Variants in IGSF3 observed in about 807,000 individuals in gnomAD.
IGSF3 encodes immunoglobulin superfamily member 3.
In IGSF3, 23 loss-of-function variants were observed where a neutral mutation model predicts 114.4. The observed-to-expected ratio is 0.20, with a 90% CI of 0.14 to 0.28. The LOEUF (loss-of-function observed/expected upper bound fraction) is 0.28, where lower values mean the gene tolerates loss of function less well. Among genes scored for constraint, IGSF3 ranks in the 10% least tolerant of loss-of-function variants. The probability of loss-of-function intolerance (pLI) is 1.00; values close to 1 mark genes in which losing one functional copy is unlikely to be tolerated. For synonymous variants in IGSF3, 571 were observed against 645.2 expected, an observed-to-expected ratio of 0.88 and a Z score of 1.74; for missense variants, 1,172 against 1,591.5, an observed-to-expected ratio of 0.74 and a Z score of 4.48.
chr1:116,579,900 CAG>C lies in IGSF3; in HGVS notation c.2849-25_2849-24del. 7.6e-6 allele frequency: 12 copies of C among 1,573,276 alleles called. No individual in the cohort carries two copies. Among genetic ancestry groups the C allele is most frequent in the Non-Finnish European group, 1.0e-5 (12 of 1,163,058 alleles). ...CATCTGGGGAATGACAAGGGACAAA[CAG>C]GGAAGGGGTTGTTTAAATTTATTTG... On this transcript the variant is annotated intron_variant, in intron 9 of 10. Coordinates refer to ENST00000369486, the MANE Select transcript of IGSF3 (RefSeq NM_001007237.3). The surrounding 1 kb of genome is among the most constrained non-coding windows in gnomAD (Gnocchi z 6.4).
rs1245989495 is a variant in IGSF3 at position 116,583,440 on chromosome 1, G to T, written c.2848+1205C>A. The stretch of plus-strand genomic sequence containing the variant: ...CAGTTTAGGCAAGACACAGGCGAGT[G>T]AGATACTGCCCATTTCCTATAACCA... On this transcript the variant is annotated intron_variant, in intron 9 of 10. Coordinates refer to ENST00000369486, the MANE Select transcript of IGSF3 (RefSeq NM_001007237.3). This position sits in a 1 kb window ranked among gnomAD's most constrained non-coding sequence, Gnocchi z 4.5. Among the ~76,000 whole-genome samples, 2 of 152,238 alleles carry T rather than the reference G, an allele frequency of 1.3e-5. No individual in the cohort carries two copies. The highest frequency in any genetic ancestry group is 6.5e-5 in the Admixed American group (1 of 15,288).
rs1188331234 is a variant in IGSF3, at chr1:116,620,835, G to A, written c.44-4378C>T. 3.9e-5 allele frequency among the ~76,000 whole-genome samples: 6 copies of A among 152,262 alleles called. No homozygotes were observed. In the East Asian group the frequency reaches 1.2e-3, roughly 29 times the overall value. ...AGCTCACTGCAGCCTTGACCTCCGA[G>A]GCTCAAGTGATCCTCCCACATCAGC... On this transcript the variant is annotated intron_variant, in intron 2 of 10. Transcript: ENST00000369486.
intron 8 of IGSF3, among the ~76,000 whole-genome samples, chr1:116,586,069 A>G (rs1385867170): frequency 6.6e-6 from 1 of 152,204 alleles, no homozygotes; most frequent in Non-Finnish European, 1.5e-5. Context: ...AGAGGTATCT[A>G]GAAGCTGTGA....
At chr1:116,646,880 G>A (rs987979595) in intron 2 of IGSF3, 3 of 152,200 alleles carry the variant, frequency 2.0e-5, no homozygotes, top group African/African-American at 7.2e-5. Context: ...ACTTTCCCCA[G>A]GACACCTTCA....
chr1:116,621,225 A>G (rs1372622750), intron 2 of IGSF3, among the ~76,000 whole-genome samples: 1 of 152,144 alleles, frequency 6.6e-6, no homozygotes, highest in Non-Finnish European at 1.5e-5. Flanking sequence ...TTGCCCCAGA[A>G]GCCGAGCAGA....
rs1183587014 is a variant in IGSF3, at chr1:116,615,971, G to C, written c.421+109C>G. 5.7e-5 allele frequency: 47 copies of C among 830,676 alleles called. No homozygotes were observed. Among genetic ancestry groups the C allele is most frequent in the Non-Finnish European group, 8.5e-5 (45 of 527,488 alleles). 51.5% of individuals were successfully genotyped at this position (830,676 alleles called of 1,614,324 possible). ...TCTGTTGACCCCTAAAATATGTTGGGAGTTTTGGGATTTTTTTTAAAGTCA... is the reference window on the plus strand; with the variant it reads ...TCTGTTGACCCCTAAAATATGTTGGCAGTTTTGGGATTTTTTTTAAAGTCA... On this transcript the variant is annotated intron_variant, in intron 3 of 10. Coordinates refer to ENST00000369486, the MANE Select transcript of IGSF3 (RefSeq NM_001007237.3). This position sits in a 1 kb window ranked among gnomAD's most constrained non-coding sequence, Gnocchi z 4.3.
rs1229369233 is a variant in IGSF3, at chr1:116,649,113, C to T, written c.43+17171G>A. ...ATTACAGCTTCAGATCTCGCTTCTACCAGGATTTCCCAGCTGAGCAAGAAC... is the reference window on the plus strand; with the variant it reads ...ATTACAGCTTCAGATCTCGCTTCTATCAGGATTTCCCAGCTGAGCAAGAAC... On this transcript the variant is annotated intron_variant, in intron 2 of 10. Coordinates refer to ENST00000369486, the MANE Select transcript of IGSF3 (RefSeq NM_001007237.3). This position sits in a 1 kb window ranked among gnomAD's most constrained non-coding sequence, Gnocchi z 4.5. Among the ~76,000 whole-genome samples, 1 of 152,216 alleles carries T rather than the reference C, an allele frequency of 6.6e-6. No individual in the cohort carries two copies. The highest frequency in any genetic ancestry group is 1.5e-5 in the Non-Finnish European group (1 of 68,036).
At chr1:116,599,816 A>C in intron 7 of IGSF3, 125 bp downstream of exon 7, 1 of 775,754 alleles carries the variant, frequency 1.3e-6, no homozygotes, top group Non-Finnish European at 2.0e-6. Flanking sequence ...ATTGATTTGC[A>C]ATGTGTCTAA....
Position 116,584,502 on chromosome 1 carries a change from A to C in IGSF3, c.2848+143T>G. On this transcript the variant is annotated intron_variant, in intron 9 of 10. Coordinates refer to ENST00000369486, the MANE Select transcript of IGSF3 (RefSeq NM_001007237.3). This position sits in a 1 kb window ranked among gnomAD's most constrained non-coding sequence, Gnocchi z 5.8. Reference sequence around the variant, plus strand: ...AAGAAAAAAAATTCAGGCAATTTTGAATATAAATGCATATACATGTAGACA... The same window carrying C: ...AAGAAAAAAAATTCAGGCAATTTTGCATATAAATGCATATACATGTAGACA... The C allele has an allele frequency of 1.2e-6, 1 of 811,652 alleles. No individual in the cohort carries two copies. The highest frequency in any genetic ancestry group is 1.9e-6 in the Non-Finnish European group (1 of 526,888). The allele number at this position is 811,652 out of a possible 1,614,324, so 50.3% of individuals were successfully genotyped here. A position where few individuals can be genotyped will look rare whatever the true frequency, so the allele number is the denominator to read the frequency against.
intron 7 of IGSF3, among the ~76,000 whole-genome samples, chr1:116,590,103 G>A (rs1660039353): frequency 6.6e-6 from 1 of 152,050 alleles, no homozygotes; most frequent in South Asian, 2.1e-4. Context: ...TGAGAGAGAA[G>A]GCTGAGAAGA....
At chr1:116,604,649 C>G (rs1434731952) in intron 5 of IGSF3, among the ~76,000 whole-genome samples, 2 of 152,204 alleles carry the variant, frequency 1.3e-5, no homozygotes, top group Admixed American at 6.5e-5. Flanking sequence ...CATTAACACA[C>G]AGGAACAAAA....
intron 2 of IGSF3, among the ~76,000 whole-genome samples, chr1:116,626,595 T>C (rs192888732): frequency 2.3e-3 from 343 of 152,272 alleles, no homozygotes; most frequent in East Asian, 5.0e-3. Context: ...TCCATGACCA[T>C]TGAAACCCCA....
Position 116,616,199 on chromosome 1 carries a change from T to A in IGSF3, c.302A>T (p.Asn101Ile), listed in dbSNP as rs769462783. 1 of 1,613,978 alleles carries A rather than the reference T, an allele frequency of 6.2e-7. No individual in the cohort carries two copies. The highest frequency in any genetic ancestry group is 2.2e-5 in the East Asian group (1 of 44,890). Reference sequence around the variant, plus strand: ...ATCTGTGATGTGCAATAGGGTTGAGTTCCCCTGGACTCTTTCTATGAAGAT... The same window carrying A: ...ATCTGTGATGTGCAATAGGGTTGAGATCCCCTGGACTCTTTCTATGAAGAT... ...GKIFIERVQG[N>I]STLLHITDLQ... The change falls in exon 3 of 11, where the codon AAC (asparagine) becomes ATC (isoleucine). Residue 101 changes from asparagine to isoleucine, a missense_variant. Around this residue, in one of 3 missense-constraint regions of IGSF3, gnomAD observed 736 missense variants for 1,042.0 expected, o/e 0.71. Transcript: ENST00000369486. This position sits in a 1 kb window ranked among gnomAD's most constrained non-coding sequence, Gnocchi z 6.6.
At position 116,666,327 on chromosome 1, in the gene IGSF3, G is replaced by A; in HGVS notation, c.-1C>T. The A allele has an allele frequency of 6.2e-7, 1 of 1,614,084 alleles. No individual in the cohort carries two copies. Among genetic ancestry groups the A allele is most frequent in the Non-Finnish European group, 8.5e-7 (1 of 1,179,956 alleles). ...TCAGCACCGGGAAAAAGCACTTCAT[G>A]TCGGCAGCCTCCAGGAGACACAACA... On this transcript the variant is annotated 5_prime_UTR_variant, in exon 2 of 11. Transcript: ENST00000369486.
Position 116,588,245 on chromosome 1 carries a change from T to C in IGSF3, c.2440+449A>G, listed in dbSNP as rs921256271. On this transcript the variant is annotated intron_variant, in intron 8 of 10. Coordinates refer to ENST00000369486, the MANE Select transcript of IGSF3 (RefSeq NM_001007237.3). The surrounding 1 kb of genome is among the most constrained non-coding windows in gnomAD (Gnocchi z 4.9). ...TCAGTTTGGAGATAGGAAAGGCTTG[T>C]CTGGGCGGGCTGGGAGCTAAGGAAG... is the stretch of plus-strand genomic sequence containing the variant. Among the ~76,000 whole-genome samples the C allele has an allele frequency of 2.6e-5, 4 of 152,080 alleles. No homozygotes were observed. The highest frequency in any genetic ancestry group is 9.7e-5 in the African/African-American group (4 of 41,406).
intron 2 of IGSF3, among the ~76,000 whole-genome samples, chr1:116,643,325 A>C (rs1159349459): frequency 6.6e-6 from 1 of 152,178 alleles, no homozygotes; most frequent in African/African-American, 2.4e-5. Context: ...ACCCAACGGA[A>C]CTGCCCCAGG....
At position 116,595,028 on chromosome 1, in the gene IGSF3, C is replaced by A. The variant is rs1256843785; in HGVS notation, c.2029+4913G>T. On this transcript the variant is annotated intron_variant, in intron 7 of 10. Coordinates refer to ENST00000369486, the MANE Select transcript of IGSF3 (RefSeq NM_001007237.3). This position sits in a 1 kb window ranked among gnomAD's most constrained non-coding sequence, Gnocchi z 4.2. ...GCCCGCAAGGCAGGAACGTGACACA[C>A]CCATCTCAGCAGCCTCACCAGCATG... is the stretch of plus-strand genomic sequence containing the variant. 1.3e-5 allele frequency among the ~76,000 whole-genome samples: 2 copies of A among 152,176 alleles called. No homozygotes were observed. Among genetic ancestry groups the A allele is most frequent in the African/African-American group, 4.8e-5 (2 of 41,456 alleles).
Position 116,662,590 on chromosome 1 carries a change from C to A in IGSF3, c.43+3694G>T, listed in dbSNP as rs911346656. ...AAGATGGCAACATCTTAACACAGCC[C>A]TGGGTACCTGGAGGTAGCTCAATGA... On this transcript the variant is annotated intron_variant, in intron 2 of 10. Coordinates refer to ENST00000369486, the MANE Select transcript of IGSF3 (RefSeq NM_001007237.3). This position sits in a 1 kb window ranked among gnomAD's most constrained non-coding sequence, Gnocchi z 4.3. Among the ~76,000 whole-genome samples, 1 of 152,146 alleles carries A rather than the reference C, an allele frequency of 6.6e-6. No individual in the cohort carries two copies. Among genetic ancestry groups the A allele is most frequent in the African/African-American group, 2.4e-5 (1 of 41,404 alleles).
Position 116,593,446 on chromosome 1 carries a change from C to T in IGSF3, c.2030-4342G>A, listed in dbSNP as rs113751148. ...CAGACAGTAATGCTAGAGATAGAGGCGGCCAGTGGCTGCGGCAGGAGATGT... is the reference window on the plus strand; with the variant it reads ...CAGACAGTAATGCTAGAGATAGAGGTGGCCAGTGGCTGCGGCAGGAGATGT... On this transcript the variant is annotated intron_variant, in intron 7 of 10. Transcript: ENST00000369486. The surrounding 1 kb of genome is among the most constrained non-coding windows in gnomAD (Gnocchi z 4.5). Among the ~76,000 whole-genome samples, 11 of 152,142 alleles carry T rather than the reference C, an allele frequency of 7.2e-5. No individual in the cohort carries two copies. Among genetic ancestry groups the T allele is most frequent in the East Asian group, 1.9e-4 (1 of 5,202 alleles).
Sources: allele counts gnomAD v4.1 joint callset (sites outside exome capture counted in the v4.1 genomes callset), GRCh38; gene constraint gnomAD v4.1.1; regional missense constraint gnomAD v4.1.1; non-coding constraint Gnocchi (gnomAD v3.1); transcripts MANE v1.5; gene names NCBI Gene and HGNC (gene_info 2026-07-23, HGNC 2026-07-21).